Variants in GOLGA8A observed in about 807,000 individuals in gnomAD.
The protein encoded by GOLGA8A is golgin A8 family member A.
Under a neutral mutation model 22.1 loss-of-function variants are expected in GOLGA8A, and 3 were observed. The observed-to-expected ratio is 0.14, with a 90% CI of 0.06 to 0.35. The LOEUF (loss-of-function observed/expected upper bound fraction) is 0.35. GOLGA8A is among the 10% of genes least tolerant of loss of function. The pLI is 1.00. For synonymous variants in GOLGA8A, 7 were observed against 91.7 expected (o/e 0.08, Z 5.28); for missense variants, 16 against 233.2 (o/e 0.07, Z 6.07).
intron 2 of GOLGA8A, among the ~76,000 whole-genome samples, chr15:34,431,348 TCA>T (rs140394984): frequency 1.3e-4 from 14 of 108,884 alleles, no homozygotes; most frequent in East Asian, 2.9e-4. Context: ...TATATATATC[TCA>T]CACACACACA....
intron 2 of GOLGA8A, 57 bp downstream of exon 2, chr15:34,435,326 A>G (rs1274606618): frequency 1.3e-5 from 2 of 149,460 alleles, no homozygotes; most frequent in African/African-American, 2.5e-5. Context: ...GAAAAATCAA[A>G]GTGTCTTATC....
At chr15:34,397,562 CA>C (rs1891905255) in intron 8 of GOLGA8A, among the ~76,000 whole-genome samples, 1 of 146,478 alleles carries the variant, frequency 6.8e-6, no homozygotes, top group Admixed American at 6.9e-5. Context: ...GCTATGATTT[CA>C]CTGAATTCAT....
Position 34,428,491 on chromosome 15 carries a change from T to C in GOLGA8A, c.-1123+6892A>G, listed in dbSNP as rs144204707. On this transcript the variant is annotated intron_variant, in intron 2 of 24. Coordinates refer to ENST00000359187, the MANE Select transcript of GOLGA8A (RefSeq NM_181077.5). ...CAGCCTCAGCCAGCATCCAGCGCAG[T>C]CCCAGCAGACAGGGATAATGAAGCG... 1,450 of 148,930 alleles carry C rather than the reference T, an allele frequency of 9.7e-3. 131 individuals are homozygous for C. Among genetic ancestry groups the C allele is most frequent in the African/African-American group, 0.025 (995 of 40,246 alleles). 9.2% of individuals were successfully genotyped at this position (148,930 alleles called of 1,614,324 possible).
intron 2 of GOLGA8A, among the ~76,000 whole-genome samples, chr15:34,412,547 CGTCTCATCAGCCTCT>C (rs1892474841): frequency 6.8e-6 from 1 of 147,348 alleles, no homozygotes; most frequent in Non-Finnish European, 1.5e-5. Flanking sequence ...CATTTACCCT[CGTCTCATCAGCCTCT>C]GTCCTTCGGC....
rs1893583081 is a variant in GOLGA8A at position 34,437,398 on chromosome 15, C to T, written c.-1212G>A. 2 of 141,902 alleles carry T rather than the reference C, an allele frequency of 1.4e-5. No homozygotes were observed. The highest frequency in any genetic ancestry group is 4.0e-4 in the South Asian group (2 of 5,028). The allele number at this position is 141,902 out of a possible 1,614,324, so 8.8% of individuals were successfully genotyped here. A position where few individuals can be genotyped will look rare whatever the true frequency, so the allele number is the denominator to read the frequency against. ...AGGCAGCCGAGGTTCCCCAGCTTAC[C>T]TGGCCAGGGCGCGGGGCTGCCCCGG... is the stretch of plus-strand genomic sequence containing the variant. On this transcript the variant is annotated splice_region_variant and 5_prime_UTR_variant, in exon 1 of 25. Coordinates refer to ENST00000359187, the MANE Select transcript of GOLGA8A (RefSeq NM_181077.5).
intron 2 of GOLGA8A, among the ~76,000 whole-genome samples, chr15:34,434,056 T>C (rs1213377980): frequency 6.7e-6 from 1 of 148,812 alleles, no homozygotes; most frequent in Non-Finnish European, 1.5e-5. Flanking sequence ...TGAAAGAGCC[T>C]ACATTCAGTT....
At chr15:34,409,835 GCCACAA>G in intron 2 of GOLGA8A, 1 of 527,380 alleles carries the variant, frequency 1.9e-6, no homozygotes, top group Non-Finnish European at 3.4e-6. Context: ...AAGCAGGAGT[GCCACAA>G]CCACAGCCCC....
At chr15:34,436,956 C>T (rs1360148200) in intron 1 of GOLGA8A, among the ~76,000 whole-genome samples, 1 of 149,670 alleles carries the variant, frequency 6.7e-6, no homozygotes, top group African/African-American at 2.5e-5. Context: ...GAGGCGATCC[C>T]AAACTCAGTA....
In GOLGA8A at chr15:34,437,210, G is replaced by A. The variant is rs1273474177; in HGVS notation, c.-1212+188C>T. Among the ~76,000 whole-genome samples the A allele has an allele frequency of 3.4e-5, 5 of 147,012 alleles. 1 individual carries two copies. Among genetic ancestry groups the A allele is most frequent in the East Asian group, 4.1e-4 (2 of 4,894 alleles). On this transcript the variant is annotated intron_variant, in intron 1 of 24. Transcript: ENST00000359187. ...GGGCCGGTCCGAGAGGCGTAAGGCC[G>A]CCGGGCTGCACCCCTAGATCCCAGC...
Position 34,417,629 on chromosome 15 carries a change from G to C in GOLGA8A, c.-1122-9894C>G, listed in dbSNP as rs563631260. Reference sequence around the variant, plus strand: ...TGTATTTCTATAATAAACACTGTTAGAATGCATACGGTAGTGTTTTATTTT... The same window carrying C: ...TGTATTTCTATAATAAACACTGTTACAATGCATACGGTAGTGTTTTATTTT... On this transcript the variant is annotated intron_variant, in intron 2 of 24. Transcript: ENST00000359187. 25 of 145,730 alleles carry C rather than the reference G, an allele frequency of 1.7e-4. 5 individuals are homozygous for C. The highest frequency in any genetic ancestry group is 9.9e-4 in the South Asian group (4 of 4,050). 9.0% of individuals were successfully genotyped at this position (145,730 alleles called of 1,614,324 possible).
intron 2 of GOLGA8A, among the ~76,000 whole-genome samples, chr15:34,424,160 T>C (rs1447839420): frequency 6.9e-6 from 1 of 145,116 alleles, no homozygotes; most frequent in Non-Finnish European, 1.5e-5. Flanking sequence ...TCCTCCAGCT[T>C]GCCCAGCCAC....
At chr15:34,433,644 A>C (rs1170886688) in intron 2 of GOLGA8A, among the ~76,000 whole-genome samples, 3 of 149,068 alleles carry the variant, frequency 2.0e-5, no homozygotes, top group Non-Finnish European at 4.5e-5. Flanking sequence ...AGGCACAGGC[A>C]GCAGGACATG....
rs1400009209 is a variant in GOLGA8A at position 34,379,114 on chromosome 15, GC to G, written c.*2296del. On this transcript the variant is annotated 3_prime_UTR_variant, in exon 25 of 25. Coordinates refer to ENST00000359187, the MANE Select transcript of GOLGA8A (RefSeq NM_181077.5). ...ATTGCATTACAGTAGCATCACATCAGCAGTCAATAATGCCACTTTAAGCAAA... is the reference window on the plus strand; with the variant it reads ...ATTGCATTACAGTAGCATCACATCAGAGTCAATAATGCCACTTTAAGCAAA... 1 of 152,610 alleles carries G rather than the reference GC, an allele frequency of 6.6e-6. No homozygotes were observed. Among genetic ancestry groups the G allele is most frequent in the African/African-American group, 2.4e-5 (1 of 41,440 alleles). The allele number at this position is 152,610 out of a possible 1,614,324, so 9.5% of individuals were successfully genotyped here. A position where few individuals can be genotyped will look rare whatever the true frequency, so the allele number is the denominator to read the frequency against.
chr15:34,410,640 G>A, intron 2 of GOLGA8A: 1 of 261,018 alleles, frequency 3.8e-6, no homozygotes, highest in Non-Finnish European at 6.2e-6. Flanking sequence ...GGGCCCTAGA[G>A]CAAGGGACCT....
intron 7 of GOLGA8A, 145 bp downstream of exon 7, chr15:34,399,010 G>T (rs348325): frequency 0.01 from 1,300 of 126,392 alleles, 13 homozygotes; most frequent in Non-Finnish European, 0.013. Context: ...ATTTTACTGG[G>T]TTACCTTTTT....
chr15:34,425,221 C>T (rs1394820116), intron 2 of GOLGA8A, among the ~76,000 whole-genome samples: 1 of 147,466 alleles, frequency 6.8e-6, no homozygotes, highest in African/African-American at 2.5e-5. Flanking sequence ...CAAAAGCCAC[C>T]GTAACTTACA....
intron 2 of GOLGA8A, chr15:34,417,840 G>C (rs1045052261): frequency 6.9e-6 from 1 of 145,630 alleles, no homozygotes; most frequent in Non-Finnish European, 1.5e-5. Flanking sequence ...CCCCCCATGG[G>C]ATGTTTGGAA....
intron 2 of GOLGA8A, among the ~76,000 whole-genome samples, chr15:34,430,194 AAGACACAATC>A (rs1254217002): frequency 2.0e-5 from 3 of 149,126 alleles, no homozygotes; most frequent in Admixed American, 6.8e-5. Flanking sequence ...GCTCAAGGGA[AAGACACAATC>A]AGGAGTTCTT....
At position 34,431,371 on chromosome 15, in the gene GOLGA8A, T is replaced by TGG. The variant is rs1277481098; in HGVS notation, c.-1123+4011_-1123+4012insCC. Among the ~76,000 whole-genome samples the TGG allele has an allele frequency of 2.2e-5, 3 of 134,810 alleles. No homozygotes were observed. The Admixed American group carries it at 2.3e-4, about 10-fold the overall frequency. The allele number at this position is 134,810 out of a possible 152,430, so 88.4% of individuals were successfully genotyped here. ...TCTCACACACACACACTCGTGTCAC[T>TGG]TAACGACAGGCATATATATGTATAT... is the stretch of plus-strand genomic sequence containing the variant. On this transcript the variant is annotated intron_variant, in intron 2 of 24. Coordinates refer to ENST00000359187, the MANE Select transcript of GOLGA8A (RefSeq NM_181077.5).
Sources: gnomAD v4.1 joint callset for allele counts (sites outside exome capture counted in the v4.1 genomes callset) on GRCh38, gnomAD v4.1.1 for gene constraint, MANE v1.5 for transcripts, NCBI Gene and HGNC (gene_info 2026-07-23, HGNC 2026-07-21) for gene names.